The following NRXN3 variants were observed in gnomAD, a reference collection of about 807,000 sequenced individuals.
NRXN3 encodes neurexin III.
Under a neutral mutation model 137.6 loss-of-function variants are expected in NRXN3, and 32 were observed. The ratio of observed to expected loss-of-function variants is 0.23; its 90% CI spans 0.18 to 0.31. NRXN3 has a LOEUF of 0.31. Ranked by LOEUF, NRXN3 falls within the 10% of genes least tolerant of loss-of-function variation. NRXN3 has a pLI of 1.00. For missense variants in NRXN3, 1,574 were observed against 2,062.5 expected (o/e 0.76, Z 4.59); for synonymous variants, 798 against 784.5 (o/e 1.02, Z -0.29).
At chr14:78,946,775 A>T (rs773455734) in intron 10 of NRXN3, among the ~76,000 whole-genome samples, 33 of 152,172 alleles carry the variant, frequency 2.2e-4, no homozygotes, top group Non-Finnish European at 7.3e-5. Flanking sequence ...GTTTGCCAAC[A>T]TAGTCGGTTT....
At chr14:78,598,699 A>C (rs981603171) in intron 4 of NRXN3, among the ~76,000 whole-genome samples, 3 of 152,192 alleles carry the variant, frequency 2.0e-5, no homozygotes, top group Non-Finnish European at 4.4e-5. Context: ...TTGGCTTTGA[A>C]GACAGGGTTA....
At chr14:79,792,577 A>G (rs973214655) in intron 19 of NRXN3, among the ~76,000 whole-genome samples, 1 of 152,226 alleles carries the variant, frequency 6.6e-6, no homozygotes, top group African/African-American at 2.4e-5. Flanking sequence ...ATTTTTTTAA[A>G]AAAAGTCCCA....
intron 20 of NRXN3, among the ~76,000 whole-genome samples, chr14:79,851,762 A>G (rs2099391909): frequency 6.6e-6 from 1 of 152,158 alleles, no homozygotes; most frequent in Non-Finnish European, 1.5e-5. Flanking sequence ...GGCCATTTCT[A>G]AAAATTCCTT....
intron 15 of NRXN3, among the ~76,000 whole-genome samples, chr14:79,012,533 T>A (rs1375049058): frequency 6.6e-6 from 1 of 151,900 alleles, no homozygotes; most frequent in Non-Finnish European, 1.5e-5. Context: ...ATCAGGGACT[T>A]TGAGTACTAA....
At chr14:78,989,154 A>G (rs2099513398) in intron 15 of NRXN3, among the ~76,000 whole-genome samples, 1 of 152,190 alleles carries the variant, frequency 6.6e-6, no homozygotes, top group Non-Finnish European at 1.5e-5. Flanking sequence ...CCTTTGTTTT[A>G]TAATCCAGAC....
intron 20 of NRXN3, among the ~76,000 whole-genome samples, chr14:79,845,611 AGAGACGGAGACGGGGAGAGAGACG>A: frequency 7.1e-6 from 1 of 141,526 alleles, no homozygotes; most frequent in Non-Finnish European, 1.5e-5. Flanking sequence ...AGACAGAGAG[AGAGACGGAGACGGGGAGAGAGACG>A]GAGACGGGGA....
At chr14:79,112,779 C>T (rs1431348859) in intron 15 of NRXN3, among the ~76,000 whole-genome samples, 1 of 152,064 alleles carries the variant, frequency 6.6e-6, no homozygotes, top group Non-Finnish European at 1.5e-5. Flanking sequence ...AGCATATGGA[C>T]CAAATATAGG....
chr14:79,419,493 CAA>C (rs1206519632), intron 15 of NRXN3, among the ~76,000 whole-genome samples: 2 of 151,980 alleles, frequency 1.3e-5, no homozygotes, highest in African/African-American at 2.4e-5. Flanking sequence ...TGAATAAGTG[CAA>C]AGAGTGTGAT....
At chr14:78,839,864 A>G (rs973456666) in intron 10 of NRXN3, among the ~76,000 whole-genome samples, 2 of 152,200 alleles carry the variant, frequency 1.3e-5, no homozygotes, top group African/African-American at 2.4e-5. Flanking sequence ...GAGTCCAGCA[A>G]ATATTATTTG....
At chr14:79,436,639 C>A (rs2095849984) in intron 15 of NRXN3, among the ~76,000 whole-genome samples, 1 of 152,140 alleles carries the variant, frequency 6.6e-6, no homozygotes. Flanking sequence ...TGATCTTGAT[C>A]TGCTAAGAAA....
intron 14 of NRXN3, among the ~76,000 whole-genome samples, chr14:78,978,263 A>T (rs1441482191): frequency 1.3e-5 from 2 of 152,176 alleles, no homozygotes; most frequent in Admixed American, 1.3e-4. Context: ...ACTTCAAGAC[A>T]AAAAGCATGA....
At chr14:79,119,357 T>C (rs2055025708) in intron 15 of NRXN3, among the ~76,000 whole-genome samples, 1 of 152,190 alleles carries the variant, frequency 6.6e-6, no homozygotes, top group African/African-American at 2.4e-5. Context: ...GTGTTGTTTT[T>C]AAATCATTAA....
chr14:78,940,360 A>T (rs2099350730), intron 10 of NRXN3, among the ~76,000 whole-genome samples: 1 of 152,206 alleles, frequency 6.6e-6, no homozygotes, highest in Admixed American at 6.5e-5. Flanking sequence ...ATATGCACAC[A>T]CACACTCCCA....
chr14:78,984,241 G>A (rs1278864626), intron 14 of NRXN3, among the ~76,000 whole-genome samples: 1 of 152,128 alleles, frequency 6.6e-6, no homozygotes, highest in Non-Finnish European at 1.5e-5. Context: ...ACAAAAAAGT[G>A]CTAAGTATGT....
intron 15 of NRXN3, among the ~76,000 whole-genome samples, chr14:79,228,750 T>G (rs1267021497): frequency 1.3e-5 from 2 of 152,156 alleles, no homozygotes; most frequent in Non-Finnish European, 2.9e-5. Flanking sequence ...AGATTTACAT[T>G]TAGGTTTTAA....
chr14:78,360,599 G>C (rs998255115), intron 4 of NRXN3, among the ~76,000 whole-genome samples: 2 of 152,130 alleles, frequency 1.3e-5, no homozygotes, highest in African/African-American at 4.8e-5. Flanking sequence ...TAGTAATAGC[G>C]CCTACCCCAC....
At chr14:78,194,788 C>T (rs1260809718) in intron 1 of NRXN3, among the ~76,000 whole-genome samples, 1 of 152,194 alleles carries the variant, frequency 6.6e-6, no homozygotes, top group Admixed American at 6.5e-5. Flanking sequence ...CAGTCTTGGT[C>T]CTGGTCAGGC....
intron 16 of NRXN3, among the ~76,000 whole-genome samples, chr14:79,565,621 T>C (rs1307911234): frequency 6.6e-6 from 1 of 151,870 alleles, no homozygotes; most frequent in Non-Finnish European, 1.5e-5. Flanking sequence ...AAATTACCAA[T>C]AGGCAGAAAA....
At chr14:78,790,608 A>T (rs897687275) in intron 8 of NRXN3, among the ~76,000 whole-genome samples, 3 of 152,082 alleles carry the variant, frequency 2.0e-5, no homozygotes, top group African/African-American at 7.2e-5. Context: ...CAATCTGGGC[A>T]TTTTAGAAGC....
Sources: allele counts gnomAD v4.1 joint callset (sites outside exome capture counted in the v4.1 genomes callset), GRCh38; gene constraint gnomAD v4.1.1; transcripts MANE v1.5; gene names NCBI Gene and HGNC (gene_info 2026-07-23, HGNC 2026-07-21).